Variants in MAPRE3 observed in about 807,000 individuals in gnomAD.
The protein encoded by MAPRE3 is microtubule associated protein RP/EB family member 3.
Under a neutral mutation model 30.5 loss-of-function variants are expected in MAPRE3, and 2 were observed. That is an observed-to-expected ratio of 0.07 (90% CI 0.03 to 0.21). The LOEUF is 0.21. Among genes scored for constraint, MAPRE3 ranks in the 10% least tolerant of loss-of-function variants. The pLI, the probability that MAPRE3 is intolerant of heterozygous loss-of-function variation, is 1.00. For missense variants in MAPRE3, 204 were observed against 351.8 expected, an observed-to-expected ratio of 0.58 and a Z score of 3.36; for synonymous variants, 110 against 127.7, an observed-to-expected ratio of 0.86 and a Z score of 0.93.
chr2:27,006,205 C>CA (rs534627886), intron 1 of MAPRE3, among the ~76,000 whole-genome samples: 61 of 148,660 alleles, frequency 4.1e-4, no homozygotes, highest in South Asian at 1.1e-3. Context: ...AAAACAAAAA[C>CA]AAAAAAAAAA....
chr2:27,013,980 C>T (rs1666922290), intron 1 of MAPRE3: 1 of 152,166 alleles, frequency 6.6e-6, no homozygotes, highest in African/African-American at 2.4e-5. Context: ...ATATCTTCGC[C>T]TACTTGCTTG....
chr2:26,989,689 G>A (rs905143806), intron 1 of MAPRE3, among the ~76,000 whole-genome samples: 6 of 152,170 alleles, frequency 3.9e-5, no homozygotes, highest in African/African-American at 7.2e-5. Flanking sequence ...AAAATCTAAG[G>A]ATGTCAGGAT....
intron 1 of MAPRE3, among the ~76,000 whole-genome samples, chr2:26,991,569 C>T (rs534119460): frequency 2.6e-5 from 4 of 152,280 alleles, no homozygotes; most frequent in South Asian, 2.1e-4. Context: ...CTGCCTGCCC[C>T]GAGGTAGTCC....
intron 1 of MAPRE3, among the ~76,000 whole-genome samples, chr2:26,991,219 A>T (rs562366066): frequency 7.2e-5 from 11 of 152,200 alleles, no homozygotes; most frequent in Admixed American, 7.2e-4. Context: ...GTGCCACTGC[A>T]CTCCAGCCTG....
At chr2:26,978,385 G>A (rs148226209) in intron 1 of MAPRE3, among the ~76,000 whole-genome samples, 254 of 152,282 alleles carry the variant, frequency 1.7e-3, no homozygotes, top group African/African-American at 5.9e-3. Flanking sequence ...AATGTGTGCT[G>A]TGTAGCCAGG....
chr2:27,024,786 C>T (rs756954051), intron 4 of MAPRE3, among the ~76,000 whole-genome samples: 3 of 152,132 alleles, frequency 2.0e-5, no homozygotes, highest in Non-Finnish European at 4.4e-5. Flanking sequence ...TCTCTAGAAA[C>T]GAGGCTTTGT....
chr2:26,986,737 A>G lies in MAPRE3; in HGVS notation c.-8+15935A>G, dbSNP rs1256223043. The G allele has an allele frequency of 6.6e-6, 1 of 152,298 alleles. No individual in the cohort carries two copies. Among genetic ancestry groups the G allele is most frequent in the East Asian group, 1.9e-4 (1 of 5,208 alleles). 9.4% of individuals were successfully genotyped at this position (152,298 alleles called of 1,614,324 possible). ...GTAAGGGTATTCCGTGCAGCCATCA[A>G]TCATAGCACTGGTGCCTGTGGAGAC... On this transcript the variant is annotated intron_variant, in intron 1 of 6. Transcript: ENST00000233121. The surrounding 1 kb of genome is among the most constrained non-coding windows in gnomAD (Gnocchi z 4.2).
intron 1 of MAPRE3, among the ~76,000 whole-genome samples, chr2:26,993,078 G>A (rs915851228): frequency 6.6e-6 from 1 of 152,170 alleles, no homozygotes; most frequent in East Asian, 1.9e-4. Context: ...TAAAATATTA[G>A]GACGTTATTA....
intron 1 of MAPRE3, among the ~76,000 whole-genome samples, chr2:27,019,954 T>C (rs1309620150): frequency 6.6e-6 from 1 of 152,252 alleles, no homozygotes; most frequent in African/African-American, 2.4e-5. Flanking sequence ...CAAACAGGAC[T>C]GTGCCTGCAG....
chr2:26,985,345 C>T lies in MAPRE3; in HGVS notation c.-8+14543C>T, dbSNP rs566722410. Among the ~76,000 whole-genome samples, 2 of 152,314 alleles carry T rather than the reference C, an allele frequency of 1.3e-5. No homozygotes were observed. Among genetic ancestry groups the T allele is most frequent in the Admixed American group, 1.3e-4 (2 of 15,302 alleles). The stretch of plus-strand genomic sequence containing the variant: ...TTCTCATTCCAAATTCTGTTCTGTG[C>T]ATCTCATTTCTCCATGTGCAAAGAC... On this transcript the variant is annotated intron_variant, in intron 1 of 6. Transcript: ENST00000233121. The surrounding 1 kb of genome is among the most constrained non-coding windows in gnomAD (Gnocchi z 4.2).
At chr2:26,972,503 T>C (rs1427610415) in intron 1 of MAPRE3, among the ~76,000 whole-genome samples, 1 of 152,192 alleles carries the variant, frequency 6.6e-6, no homozygotes, top group Non-Finnish European at 1.5e-5. Flanking sequence ...CTGTTTCGAA[T>C]GCCAGACTGG....
At chr2:26,990,499 A>G (rs182276987) in intron 1 of MAPRE3, among the ~76,000 whole-genome samples, 61 of 152,354 alleles carry the variant, frequency 4.0e-4, no homozygotes, top group African/African-American at 1.4e-3. Flanking sequence ...AATACCATGC[A>G]ACCATCAAAG....
chr2:26,988,240 T>G (rs996724704), intron 1 of MAPRE3, among the ~76,000 whole-genome samples: 3 of 152,188 alleles, frequency 2.0e-5, no homozygotes, highest in African/African-American at 7.2e-5. Flanking sequence ...TCCCTGACAG[T>G]TTTTAAATAC....
intron 1 of MAPRE3, among the ~76,000 whole-genome samples, chr2:26,975,357 C>T (rs923606291): frequency 2.0e-5 from 3 of 152,166 alleles, no homozygotes; most frequent in African/African-American, 7.2e-5. Context: ...AGGAGCTATT[C>T]ATCTTAAGAG....
intron 1 of MAPRE3, among the ~76,000 whole-genome samples, chr2:26,991,522 C>T (rs1219720941): frequency 6.6e-6 from 1 of 152,200 alleles, no homozygotes; most frequent in African/African-American, 2.4e-5. Flanking sequence ...CTGCCGCTTG[C>T]TTTCTCAAAT....
chr2:27,006,578 G>A (rs1172157691), intron 1 of MAPRE3, among the ~76,000 whole-genome samples: 22 of 152,234 alleles, frequency 1.4e-4, no homozygotes, highest in Non-Finnish European at 2.9e-4. Flanking sequence ...CTACAGGCAT[G>A]TGCCACCACG....
intron 1 of MAPRE3, among the ~76,000 whole-genome samples, chr2:26,980,921 A>G (rs146165953): frequency 2.0e-5 from 3 of 152,350 alleles, no homozygotes; most frequent in Non-Finnish European, 4.4e-5. Context: ...TTAGGATCCC[A>G]GGGAAAGGTT....
At chr2:27,020,057 T>C (rs1208486751) in intron 1 of MAPRE3, among the ~76,000 whole-genome samples, 1 of 152,136 alleles carries the variant, frequency 6.6e-6, no homozygotes, top group Admixed American at 6.5e-5. Context: ...CTGATCCCCA[T>C]ATAGTCCCAC....
intron 1 of MAPRE3, among the ~76,000 whole-genome samples, chr2:26,972,068 T>C (rs1393716123): frequency 6.6e-6 from 1 of 152,232 alleles, no homozygotes; most frequent in African/African-American, 2.4e-5. Context: ...CCAGAAACTC[T>C]TAATAAACAT....
Sources: allele counts gnomAD v4.1 joint callset (sites outside exome capture counted in the v4.1 genomes callset), GRCh38; gene constraint gnomAD v4.1.1; non-coding constraint Gnocchi (gnomAD v3.1); transcripts MANE v1.5; gene names NCBI Gene and HGNC (gene_info 2026-07-23, HGNC 2026-07-21).